The following RAP1GDS1 variants were observed in gnomAD, a reference collection of about 807,000 sequenced individuals.
RAP1GDS1 encodes RAP1, GTP-GDP dissociation stimulator 1.
In RAP1GDS1, 35 loss-of-function variants were observed where a neutral mutation model predicts 71.1. The ratio of observed to expected loss-of-function variants is 0.49; its 90% CI spans 0.38 to 0.65. The LOEUF (loss-of-function observed/expected upper bound fraction) is 0.65, where lower values mean the gene tolerates loss of function less well. Among genes scored for constraint, RAP1GDS1 ranks in the 30% least tolerant of loss-of-function variants. The pLI, the probability that RAP1GDS1 is intolerant of heterozygous loss-of-function variation, is 0.00. For synonymous variants in RAP1GDS1, 229 were observed against 243.1 expected, an observed-to-expected ratio of 0.94 and a Z score of 0.54; for missense variants, 663 against 706.1, an observed-to-expected ratio of 0.94 and a Z score of 0.69.
chr4:98,344,034 T>C (rs1735894486), intron 3 of RAP1GDS1, among the ~76,000 whole-genome samples: 1 of 152,210 alleles, frequency 6.6e-6, no homozygotes, highest in Non-Finnish European at 1.5e-5. Flanking sequence ...GGAATTTGCG[T>C]AATCATCATG....
intron 1 of RAP1GDS1, among the ~76,000 whole-genome samples, chr4:98,272,258 G>A (rs1723571764): frequency 1.3e-5 from 2 of 152,264 alleles, no homozygotes; most frequent in Admixed American, 6.5e-5. Context: ...ATCAAAATAG[G>A]AACATTAAAA....
At chr4:98,282,703 T>C (rs1302794465) in intron 1 of RAP1GDS1, among the ~76,000 whole-genome samples, 1 of 152,152 alleles carries the variant, frequency 6.6e-6, no homozygotes, top group African/African-American at 2.4e-5. Context: ...TTCTTTTAAT[T>C]GTGATGTTAG....
rs1748356352 is a variant in RAP1GDS1 at position 98,418,649 on chromosome 4, T to A, written c.1040-8T>A. 1 of 1,583,368 alleles carries A rather than the reference T, an allele frequency of 6.3e-7. No individual in the cohort carries two copies. The highest frequency in any genetic ancestry group is 8.5e-7 in the Non-Finnish European group (1 of 1,170,514). On this transcript the variant is annotated splice_polypyrimidine_tract_variant and splice_region_variant and intron_variant, in intron 9 of 14. Coordinates refer to ENST00000408927, the MANE Select transcript of RAP1GDS1 (RefSeq NM_001100427.2). ...GAGGAAGAAAAAGATGTGTGTTTTT[T>A]TTTTCAGATGCAAATTGTATTCATA...
intron 2 of RAP1GDS1, among the ~76,000 whole-genome samples, chr4:98,317,824 A>AT (rs1432650248): frequency 2.8e-4 from 42 of 147,602 alleles, no homozygotes; most frequent in African/African-American, 9.0e-4. Context: ...ATATATATAT[A>AT]TATTTTTTTT....
chr4:98,354,683 T>C (rs1041529244), intron 4 of RAP1GDS1, among the ~76,000 whole-genome samples: 2 of 152,156 alleles, frequency 1.3e-5, no homozygotes, highest in South Asian at 2.1e-4. Flanking sequence ...CAATATAAAG[T>C]TCTATGGATA....
At chr4:98,292,519 C>T (rs1288487579) in intron 1 of RAP1GDS1, among the ~76,000 whole-genome samples, 1 of 147,758 alleles carries the variant, frequency 6.8e-6, no homozygotes, top group Non-Finnish European at 1.5e-5. Context: ...GTTTATGTAA[C>T]AAAACTGTAT....
At chr4:98,421,103 C>G in intron 11 of RAP1GDS1, 152 bp from the exon 12 acceptor site, 2 of 760,400 alleles carry the variant, frequency 2.6e-6, no homozygotes, top group Non-Finnish European at 3.9e-6. Context: ...AGGCAAATAG[C>G]CCATCACATA....
Position 98,323,138 on chromosome 4 carries a change from A to G in RAP1GDS1, c.113-20001A>G, listed in dbSNP as rs1472964834. On this transcript the variant is annotated intron_variant, in intron 2 of 14. Coordinates refer to ENST00000408927, the MANE Select transcript of RAP1GDS1 (RefSeq NM_001100427.2). ...ACAAACTACCATCAGAGAATACTAC[A>G]AACACCTCTATGCAAATAAACTAGA... Among the ~76,000 whole-genome samples, 58 of 149,332 alleles carry G rather than the reference A, an allele frequency of 3.9e-4. 1 individual carries two copies. The highest frequency in any genetic ancestry group is 1.5e-3 in the Admixed American group (23 of 15,080).
At chr4:98,377,628 TTGTGTGTG>T (rs58691883) in intron 4 of RAP1GDS1, among the ~76,000 whole-genome samples, 19 of 149,386 alleles carry the variant, frequency 1.3e-4, no homozygotes, top group African/African-American at 4.4e-4. Flanking sequence ...TACTATATAA[TTGTGTGTG>T]TGTGTGTGTG....
chr4:98,261,582 T>A lies in RAP1GDS1; in HGVS notation c.4+13T>A. On this transcript the variant is annotated intron_variant, in intron 1 of 14. Coordinates refer to ENST00000408927, the MANE Select transcript of RAP1GDS1 (RefSeq NM_001100427.2). Reference sequence around the variant, plus strand: ...GGGAGCAACATGGGTAAGTCATCCTTCCTCCGCCGTCATCGCCTGACATTT... The same window carrying A: ...GGGAGCAACATGGGTAAGTCATCCTACCTCCGCCGTCATCGCCTGACATTT... The A allele has an allele frequency of 6.3e-7, 1 of 1,598,190 alleles. No homozygotes were observed. The highest frequency in any genetic ancestry group is 8.5e-7 in the Non-Finnish European group (1 of 1,170,816).
chr4:98,267,516 C>A (rs377707268), intron 1 of RAP1GDS1, among the ~76,000 whole-genome samples: 2 of 152,070 alleles, frequency 1.3e-5, no homozygotes, highest in Non-Finnish European at 2.9e-5. Context: ...TCTAGTAGTC[C>A]CCAGTATCTG....
intron 2 of RAP1GDS1, among the ~76,000 whole-genome samples, chr4:98,307,303 T>C (rs1729471215): frequency 6.6e-6 from 1 of 152,062 alleles, no homozygotes; most frequent in Non-Finnish European, 1.5e-5. Flanking sequence ...ACCATGCTAT[T>C]TTAATTATGG....
At chr4:98,319,860 G>T (rs892749562) in intron 2 of RAP1GDS1, among the ~76,000 whole-genome samples, 1 of 149,258 alleles carries the variant, frequency 6.7e-6, no homozygotes, top group African/African-American at 2.5e-5. Flanking sequence ...TTCAATAAAA[G>T]TTACACCAAG....
chr4:98,320,745 G>A (rs907551472), intron 2 of RAP1GDS1, among the ~76,000 whole-genome samples: 1 of 150,988 alleles, frequency 6.6e-6, no homozygotes, highest in African/African-American at 2.4e-5. Context: ...AAACAGAAAG[G>A]ACATCCACAC....
chr4:98,351,534 C>A (rs1308589896), intron 3 of RAP1GDS1, among the ~76,000 whole-genome samples: 2 of 151,908 alleles, frequency 1.3e-5, no homozygotes, highest in Non-Finnish European at 2.9e-5. Context: ...TTTAGTAGGA[C>A]AGGTTATAGA....
At chr4:98,267,640 C>T (rs916099585) in intron 1 of RAP1GDS1, among the ~76,000 whole-genome samples, 1 of 152,152 alleles carries the variant, frequency 6.6e-6, no homozygotes, top group African/African-American at 2.4e-5. Flanking sequence ...GGATAGTGGC[C>T]TCCAGCTCCA....
At chr4:98,263,853 A>T (rs1311341799) in intron 1 of RAP1GDS1, among the ~76,000 whole-genome samples, 4 of 152,210 alleles carry the variant, frequency 2.6e-5, no homozygotes, top group Non-Finnish European at 2.9e-5. Context: ...CATGCCTCCC[A>T]GTACACTGTA....
In RAP1GDS1 at chr4:98,420,902, C is replaced by T. The variant is rs1578826046; in HGVS notation, c.1301-353C>T. ...TGCAGAAACAGCAGTCAGAACCACT[C>T]CTAGGAATGAATTATGTTTATTTAC... On this transcript the variant is annotated intron_variant, in intron 11 of 14. Transcript: ENST00000408927. 2.6e-5 allele frequency among the ~76,000 whole-genome samples: 4 copies of T among 152,246 alleles called. No individual in the cohort carries two copies. The South Asian group carries it at 8.3e-4, about 32-fold the overall frequency.
intron 7 of RAP1GDS1, among the ~76,000 whole-genome samples, chr4:98,416,204 T>C (rs1164861330): frequency 2.0e-5 from 3 of 152,184 alleles, no homozygotes; most frequent in Non-Finnish European, 4.4e-5. Flanking sequence ...CAAGACATCC[T>C]GAAAAATTTG....
Sources: allele counts gnomAD v4.1 joint callset (sites outside exome capture counted in the v4.1 genomes callset), GRCh38; gene constraint gnomAD v4.1.1; transcripts MANE v1.5; gene names NCBI Gene and HGNC (gene_info 2026-07-23, HGNC 2026-07-21).